WDR1: variants seen among roughly 807,000 people sequenced by gnomAD.
WDR1 encodes the protein WD repeat-containing protein 1.
In WDR1, 21 loss-of-function variants were observed where a neutral mutation model predicts 71.9. The ratio of observed to expected loss-of-function variants is 0.29; its 90% CI spans 0.21 to 0.42. The LOEUF is 0.42. WDR1 is among the 10% of genes least tolerant of loss of function. The pLI, the probability that WDR1 is intolerant of heterozygous loss-of-function variation, is 1.00. For synonymous variants in WDR1, 424 were observed against 347.4 expected (o/e 1.22, Z -2.45); for missense variants, 696 against 824.5 (o/e 0.84, Z 1.91).
chr4:10,107,750 T>G (rs1421865436), intron 2 of WDR1, among the ~76,000 whole-genome samples: 1 of 152,054 alleles, frequency 6.6e-6, no homozygotes, highest in African/African-American at 2.4e-5. Flanking sequence ...CGGGGGCCTC[T>G]GAGGACATGA....
chr4:10,092,054 T>G lies in WDR1; in HGVS notation c.559-3313A>C, dbSNP rs1288029221. Reference sequence around the variant, plus strand: ...CCTCTGACCAGCACATCGAGTTCTCTCGCTGCCGAACTCCGCTTCCTTGGC... The same window carrying G: ...CCTCTGACCAGCACATCGAGTTCTCGCGCTGCCGAACTCCGCTTCCTTGGC... On this transcript the variant is annotated intron_variant, in intron 5 of 14. Transcript: ENST00000499869. 7 of 152,380 alleles carry G rather than the reference T, an allele frequency of 4.6e-5. No individual in the cohort carries two copies. The East Asian group carries it at 1.4e-3, about 29-fold the overall frequency. The allele number at this position is 152,380 out of a possible 1,614,324, so 9.4% of individuals were successfully genotyped here. A position where few individuals can be genotyped will look rare whatever the true frequency, so the allele number is the denominator to read the frequency against.
At chr4:10,113,739 T>G (rs4348091) in intron 2 of WDR1, among the ~76,000 whole-genome samples, 1 of 152,072 alleles carries the variant, frequency 6.6e-6, no homozygotes, top group Admixed American at 6.6e-5. Flanking sequence ...ATTCTGAAGA[T>G]ACTTTGAATG....
chr4:10,082,129 G>C (rs747581714), intron 10 of WDR1, among the ~76,000 whole-genome samples: 17 of 152,206 alleles, frequency 1.1e-4, no homozygotes, highest in Non-Finnish European at 2.2e-4. Context: ...GCAGTAGAAA[G>C]AGGACCAGGG....
At chr4:10,092,491 AC>A in intron 5 of WDR1, 1 of 153,482 alleles carries the variant, frequency 6.5e-6, no homozygotes, top group Admixed American at 6.4e-5. Flanking sequence ...GACGCCTCCC[AC>A]AGGCTCTGGC....
intron 2 of WDR1, chr4:10,106,373 G>A (rs1713016319): frequency 6.6e-6 from 1 of 152,352 alleles, no homozygotes; most frequent in Non-Finnish European, 1.5e-5. Context: ...CACCTGGCAA[G>A]AAAATGATCC....
chr4:10,102,382 G>A (rs1712730017), intron 3 of WDR1, among the ~76,000 whole-genome samples: 1 of 152,214 alleles, frequency 6.6e-6, no homozygotes, highest in African/African-American at 2.4e-5. Context: ...TGCATCAGAG[G>A]CGGCCTATGG....
At chr4:10,078,105 G>A (rs760916700) in intron 12 of WDR1, among the ~76,000 whole-genome samples, 179 bp from the exon 13 acceptor site, 4 of 152,354 alleles carry the variant, frequency 2.6e-5, no homozygotes, top group South Asian at 2.1e-4. Context: ...AACCTACGCA[G>A]CTCTATGAAA....
chr4:10,103,745 G>C (rs781327535), intron 3 of WDR1, 151 bp downstream of exon 3: 29 of 683,846 alleles, frequency 4.2e-5, no homozygotes, highest in Non-Finnish European at 7.0e-5. Flanking sequence ...TAATTATACT[G>C]GCTCCCCTCA....
rs991374383 is a variant in WDR1, at chr4:10,083,111, G to A, written c.1107C>T (p.Ser369=). 3 of 1,613,942 alleles carry A rather than the reference G, an allele frequency of 1.9e-6. No individual in the cohort carries two copies. The highest frequency in any genetic ancestry group is 2.5e-6 in the Non-Finnish European group (3 of 1,179,886). ...GCCCCGACTCATCCACGGTCATCCT[G>A]GACACCTGGTTCGTGTGGCCTTTCC... ...FAGKGHTNQV[S]RMTVDESGQL... Residue 369 remains serine, a synonymous_variant, in exon 10 of 15, where the codon TCC becomes TCT. Transcript: ENST00000499869.
intron 2 of WDR1, among the ~76,000 whole-genome samples, chr4:10,108,911 C>T (rs1713187406): frequency 6.6e-6 from 1 of 152,218 alleles, no homozygotes; most frequent in African/African-American, 2.4e-5. Flanking sequence ...GACTACACAT[C>T]ATTTGTGCCC....
At position 10,088,332 on chromosome 4, in the gene WDR1, C is replaced by T. The variant is rs781089834; in HGVS notation, c.678G>A (p.Ala226=). 5.2e-5 allele frequency: 81 copies of T among 1,559,200 alleles called. No individual in the cohort carries two copies. Among genetic ancestry groups the T allele is most frequent in the South Asian group, 1.8e-4 (15 of 84,396 alleles). The change falls in exon 7 of 15, where the codon GCG becomes GCA. Residue 226 remains alanine, a synonymous_variant. Transcript: ENST00000499869. ...CGTCGTGGGCCTTGCTTCCGCCCAG[C>T]GCGCACACCTTCTCCCCAGTCTTCC... The part of the protein sequence containing the change: ...YDGKTGEKVC[A]LGGSKAHDGG...
chr4:10,114,290 A>C (rs1469252962), intron 2 of WDR1, among the ~76,000 whole-genome samples: 4 of 152,234 alleles, frequency 2.6e-5, no homozygotes, highest in Non-Finnish European at 4.4e-5. Flanking sequence ...CAGAGCTCAG[A>C]AACAGGCAGA....
chr4:10,093,327 A>AC (rs920098081), intron 5 of WDR1, among the ~76,000 whole-genome samples: 2 of 151,948 alleles, frequency 1.3e-5, no homozygotes, highest in Non-Finnish European at 2.9e-5. Context: ...GCCCAGTCCC[A>AC]CCCCACACAA....
intron 5 of WDR1, chr4:10,092,992 G>C: frequency 8.5e-7 from 1 of 1,182,672 alleles, no homozygotes; most frequent in Non-Finnish European, 1.1e-6. Flanking sequence ...GTATCAACGA[G>C]CCCCCCTCCC....
chr4:10,093,638 T>C (rs1256379964), intron 5 of WDR1, among the ~76,000 whole-genome samples: 1 of 152,216 alleles, frequency 6.6e-6, no homozygotes, highest in Admixed American at 6.5e-5. Context: ...CTAACCGTCC[T>C]TGGGGCACCT....
chr4:10,090,845 C>G (rs1005154034), intron 5 of WDR1, among the ~76,000 whole-genome samples: 1 of 152,246 alleles, frequency 6.6e-6, no homozygotes, highest in African/African-American at 2.4e-5. Flanking sequence ...AGTGGATGAG[C>G]AGATTGTCCT....
At chr4:10,082,795 C>G (rs954737654) in intron 10 of WDR1, among the ~76,000 whole-genome samples, 12 of 152,204 alleles carry the variant, frequency 7.9e-5, no homozygotes, top group Non-Finnish European at 1.6e-4. Context: ...AGGGCAGAGT[C>G]CACACCTGGT....
chr4:10,077,858 G>C lies in WDR1; in HGVS notation c.1464C>G (p.Ala488=). ...AGGCCACGTCGGTCACGGGGCCCTT[G>C]GCCTCTAGGAGCTTGCCCTCATCCT... ...TLKDEGKLLE[A]KGPVTDVAYS... is the part of the protein sequence containing the mutation. The change falls in exon 13 of 15, where the codon GCC becomes GCG. Residue 488 remains alanine, a synonymous_variant. Coordinates refer to ENST00000499869, the MANE Select transcript of WDR1 (RefSeq NM_017491.5). 1 of 1,611,230 alleles carries C rather than the reference G, an allele frequency of 6.2e-7. No individual in the cohort carries two copies. The highest frequency in any genetic ancestry group is 8.5e-7 in the Non-Finnish European group (1 of 1,178,744).
chr4:10,092,753 C>G (rs1036195993), intron 5 of WDR1: 1 of 274,990 alleles, frequency 3.6e-6, no homozygotes, highest in South Asian at 3.4e-5. Flanking sequence ...CACACGGAGG[C>G]CCGGCCAGTG....
Sources: gnomAD v4.1 joint callset for allele counts (sites outside exome capture counted in the v4.1 genomes callset) on GRCh38, gnomAD v4.1.1 for gene constraint, MANE v1.5 for transcripts, NCBI Gene and HGNC (gene_info 2026-07-23, HGNC 2026-07-21) for gene names.